LRRC8C: variants seen among roughly 807,000 people sequenced by gnomAD.
LRRC8C encodes volume-regulated anion channel subunit LRRC8C.
Under a neutral mutation model 55.3 loss-of-function variants are expected in LRRC8C, and 20 were observed. The ratio of observed to expected loss-of-function variants is 0.36; its 90% CI spans 0.25 to 0.53. The LOEUF (loss-of-function observed/expected upper bound fraction) is 0.53. Among genes scored for constraint, LRRC8C ranks in the 20% least tolerant of loss-of-function variants. The pLI, the probability that LRRC8C is intolerant of heterozygous loss-of-function variation, is 0.92. For missense variants in LRRC8C, 659 were observed against 951.4 expected (o/e 0.69, Z 4.04); for synonymous variants, 376 against 360.7 (o/e 1.04, Z -0.48).
chr1:89,679,275 T>C (rs553906821), intron 1 of LRRC8C, among the ~76,000 whole-genome samples: 6 of 152,226 alleles, frequency 3.9e-5, no homozygotes, highest in South Asian at 2.1e-4. Flanking sequence ...AATGAAAGGC[T>C]AGGTGCAGTG....
chr1:89,679,811 C>G (rs1221919999), intron 1 of LRRC8C, among the ~76,000 whole-genome samples: 1 of 152,116 alleles, frequency 6.6e-6, no homozygotes, highest in Non-Finnish European at 1.5e-5. Flanking sequence ...TACCCACTGT[C>G]AGAAAAATGT....
chr1:89,686,638 G>T, intron 2 of LRRC8C, 27 bp downstream of exon 2: 1 of 1,612,554 alleles, frequency 6.2e-7, no homozygotes, highest in Admixed American at 1.7e-5. Flanking sequence ...CTGGCAAAAT[G>T]GGGGCCAGAG....
intron 2 of LRRC8C, among the ~76,000 whole-genome samples, chr1:89,704,403 G>A (rs748601905): frequency 2.9e-4 from 44 of 152,094 alleles, no homozygotes; most frequent in Non-Finnish European, 5.1e-4. Context: ...TAATTCCATG[G>A]CACTTAGAAT....
intron 1 of LRRC8C, among the ~76,000 whole-genome samples, chr1:89,645,612 A>G (rs910193306): frequency 6.6e-6 from 1 of 152,184 alleles, no homozygotes; most frequent in Non-Finnish European, 1.5e-5. Flanking sequence ...GGAGAAAACT[A>G]TAGAAACAGC....
chr1:89,650,151 T>C (rs1053095153), intron 1 of LRRC8C, among the ~76,000 whole-genome samples: 1 of 152,188 alleles, frequency 6.6e-6, no homozygotes, highest in Non-Finnish European at 1.5e-5. Flanking sequence ...ATGTAAATAC[T>C]GATACAAATA....
At chr1:89,644,351 T>C (rs1000462198) in intron 1 of LRRC8C, among the ~76,000 whole-genome samples, 3 of 152,190 alleles carry the variant, frequency 2.0e-5, no homozygotes, top group African/African-American at 7.2e-5. Flanking sequence ...ATGTTTTGTA[T>C]ATTTAGTAGA....
At chr1:89,709,911 C>A (rs1211016299) in intron 2 of LRRC8C, among the ~76,000 whole-genome samples, 1 of 151,994 alleles carries the variant, frequency 6.6e-6, no homozygotes, top group Non-Finnish European at 1.5e-5. Flanking sequence ...GCCACCGCGC[C>A]CGGCTAATTT....
intron 2 of LRRC8C, 61 bp downstream of exon 2, chr1:89,686,672 CTT>C: frequency 6.4e-7 from 1 of 1,567,898 alleles, no homozygotes; most frequent in Non-Finnish European, 8.7e-7. Context: ...ATTGAAACCT[CTT>C]TAGGGAGCTG....
intron 2 of LRRC8C, among the ~76,000 whole-genome samples, chr1:89,695,379 T>C (rs188631129): frequency 1.6e-3 from 251 of 152,316 alleles, no homozygotes; most frequent in Non-Finnish European, 2.5e-3. Context: ...TTATTTTAGT[T>C]CTTAAAAGCT....
At chr1:89,641,335 A>G (rs1330083291) in intron 1 of LRRC8C, among the ~76,000 whole-genome samples, 1 of 152,224 alleles carries the variant, frequency 6.6e-6, no homozygotes, top group East Asian at 1.9e-4. Flanking sequence ...GGTCAGATAT[A>G]GCTAACCTAG....
intron 1 of LRRC8C, among the ~76,000 whole-genome samples, chr1:89,636,960 A>G (rs1656306066): frequency 6.6e-6 from 1 of 152,160 alleles, no homozygotes; most frequent in Non-Finnish European, 1.5e-5. Context: ...TATTTCCTGA[A>G]TGAGAGACAA....
chr1:89,683,359 C>G (rs1657779832), intron 1 of LRRC8C, among the ~76,000 whole-genome samples: 1 of 64,042 alleles, frequency 1.6e-5, no homozygotes, highest in Admixed American at 2.6e-4. Context: ...ACAAGATAGA[C>G]TAATTTTTTT....
At chr1:89,644,097 A>G (rs2101185302) in intron 1 of LRRC8C, among the ~76,000 whole-genome samples, 1 of 152,380 alleles carries the variant, frequency 6.6e-6, no homozygotes, top group Non-Finnish European at 1.5e-5. Context: ...CAATGGTAGG[A>G]TAGCTTTCTA....
chr1:89,645,174 G>A (rs1018753541), intron 1 of LRRC8C, among the ~76,000 whole-genome samples: 8 of 152,044 alleles, frequency 5.3e-5, no homozygotes, highest in African/African-American at 1.9e-4. Context: ...TAACAGATGA[G>A]AACTCTCAGC....
At chr1:89,704,681 A>G (rs1438309327) in intron 2 of LRRC8C, among the ~76,000 whole-genome samples, 4 of 152,150 alleles carry the variant, frequency 2.6e-5, no homozygotes, top group African/African-American at 4.8e-5. Flanking sequence ...AATGCTCACC[A>G]TCACTGGCCA....
At chr1:89,648,325 C>A (rs1244583594) in intron 1 of LRRC8C, among the ~76,000 whole-genome samples, 1 of 152,094 alleles carries the variant, frequency 6.6e-6, no homozygotes, top group Non-Finnish European at 1.5e-5. Context: ...AAGAGAAATA[C>A]AACATCCCAT....
At chr1:89,687,057 G>T (rs1019481909) in intron 2 of LRRC8C, among the ~76,000 whole-genome samples, 1 of 152,128 alleles carries the variant, frequency 6.6e-6, no homozygotes, top group African/African-American at 2.4e-5. Flanking sequence ...GTTTAGTTCT[G>T]AATTTGAAAA....
chr1:89,696,076 T>A (rs189359733), intron 2 of LRRC8C, among the ~76,000 whole-genome samples: 1 of 152,268 alleles, frequency 6.6e-6, no homozygotes, highest in East Asian at 1.9e-4. Context: ...TAGTCATAAG[T>A]GTGATTAGTT....
At chr1:89,622,335 ATT>A in the LRRC8C span, among the ~76,000 whole-genome samples, 2 of 145,400 alleles carry the variant, frequency 1.4e-5, no homozygotes, top group Non-Finnish European at 1.5e-5. Flanking sequence ...TACATGTAAA[ATT>A]TTTTTTTTTT....
Sources: allele counts gnomAD v4.1 joint callset (sites outside exome capture counted in the v4.1 genomes callset), GRCh38; gene constraint gnomAD v4.1.1; transcripts MANE v1.5; gene names NCBI Gene and HGNC (gene_info 2026-07-23, HGNC 2026-07-21).